The following CEP85L variants were observed in gnomAD, a reference collection of about 807,000 sequenced individuals.
The protein encoded by CEP85L is centrosomal protein of 85 kDa-like.
A neutral mutation model predicts 100.3 loss-of-function variants in CEP85L; 60 were observed. The observed-to-expected ratio is 0.60, with a 90% confidence interval of 0.49 to 0.74. The LOEUF (loss-of-function observed/expected upper bound fraction) is 0.74, where lower values mean the gene tolerates loss of function less well. Ranked by LOEUF, CEP85L falls within the 30% of genes least tolerant of loss-of-function variation. The pLI, the probability that CEP85L is intolerant of heterozygous loss-of-function variation, is 0.00. For synonymous variants in CEP85L, 319 were observed against 322.7 expected, an observed-to-expected ratio of 0.99 and a Z score of 0.12; for missense variants, 973 against 936.2, an observed-to-expected ratio of 1.04 and a Z score of -0.51.
intron 2 of CEP85L, among the ~76,000 whole-genome samples, chr6:118,576,807 A>G (rs963088191): frequency 2.0e-5 from 3 of 152,234 alleles, no homozygotes; most frequent in African/African-American, 7.2e-5. Flanking sequence ...CATTGTAAAA[A>G]TTAAAGATCT....
intron 6 of CEP85L, among the ~76,000 whole-genome samples, chr6:118,490,026 T>C (rs757448603): frequency 2.0e-5 from 3 of 151,962 alleles, no homozygotes; most frequent in Non-Finnish European, 2.9e-5. Flanking sequence ...GGAATATTAT[T>C]CAAACTTTGA....
chr6:118,470,655 T>TA lies in CEP85L; in HGVS notation c.1915-12dup, dbSNP rs766436923. ...CTTTCCTTGCATAGACTAGAATTTT[T>TA]AAAAAAATTGGAAAGCAAAACAGGT... On this transcript the variant is annotated splice_polypyrimidine_tract_variant and intron_variant, in intron 10 of 12. Transcript: ENST00000368491. The TA allele has an allele frequency of 6.5e-5, 100 of 1,535,188 alleles. No homozygotes were observed. Among genetic ancestry groups the TA allele is most frequent in the Non-Finnish European group, 8.0e-5 (91 of 1,131,202 alleles).
intron 1 of CEP85L, among the ~76,000 whole-genome samples, chr6:118,697,376 T>G (rs1777248966): frequency 6.6e-6 from 1 of 152,198 alleles, no homozygotes; most frequent in Admixed American, 6.5e-5. Context: ...TCTTTCCACT[T>G]CCATGAAAAT....
intron 5 of CEP85L, among the ~76,000 whole-genome samples, chr6:118,506,565 T>A (rs1191749986): frequency 6.6e-6 from 1 of 152,210 alleles, no homozygotes; most frequent in East Asian, 1.9e-4. Context: ...CCAAATATTT[T>A]AATTTTATTC....
intron 1 of CEP85L, among the ~76,000 whole-genome samples, chr6:118,661,777 A>G (rs1245443200): frequency 6.6e-6 from 1 of 152,206 alleles, no homozygotes; most frequent in Non-Finnish European, 1.5e-5. Context: ...TTCAGGGAAA[A>G]AATAGAGAAG....
intron 4 of CEP85L, among the ~76,000 whole-genome samples, chr6:118,519,378 G>A (rs1582962355): frequency 6.6e-6 from 1 of 150,400 alleles, no homozygotes; most frequent in African/African-American, 2.4e-5. Context: ...GGCGGAGGTT[G>A]CAGTGAGCCA....
At chr6:118,508,653 T>G (rs1296035855) in intron 5 of CEP85L, among the ~76,000 whole-genome samples, 2 of 152,126 alleles carry the variant, frequency 1.3e-5, no homozygotes, top group African/African-American at 2.4e-5. Flanking sequence ...TAGAAGTTAC[T>G]TATTAAGAGT....
At chr6:118,542,622 G>T (rs1351388161) in intron 3 of CEP85L, among the ~76,000 whole-genome samples, 1 of 151,938 alleles carries the variant, frequency 6.6e-6, no homozygotes, top group African/African-American at 2.4e-5. Context: ...GTAAGGTAGA[G>T]AGAGGACAAA....
At chr6:118,661,174 C>G (rs191148144) in intron 1 of CEP85L, among the ~76,000 whole-genome samples, 2 of 151,954 alleles carry the variant, frequency 1.3e-5, no homozygotes, top group Non-Finnish European at 2.9e-5. Context: ...TGTGAGCCAC[C>G]GCGCCCAGCC....
intron 3 of CEP85L, among the ~76,000 whole-genome samples, chr6:118,549,954 C>T (rs1020113547): frequency 2.6e-5 from 4 of 151,842 alleles, no homozygotes; most frequent in African/African-American, 9.7e-5. Context: ...TAGTACCATA[C>T]ATTGTGTCCC....
chr6:118,512,710 G>GA (rs1286540917), intron 4 of CEP85L, among the ~76,000 whole-genome samples: 1 of 152,010 alleles, frequency 6.6e-6, no homozygotes, highest in Non-Finnish European at 1.5e-5. Flanking sequence ...TCTCAGTGGG[G>GA]AAAAAATAAC....
At chr6:118,542,917 A>AAAAAAAC (rs1554216878) in intron 3 of CEP85L, among the ~76,000 whole-genome samples, 52 of 150,138 alleles carry the variant, frequency 3.5e-4, no homozygotes, top group Non-Finnish European at 6.1e-4. Flanking sequence ...AAAAAAAAAA[A>AAAAAAAC]AAAAAACAGG....
intron 1 of CEP85L, among the ~76,000 whole-genome samples, chr6:118,700,085 T>A (rs1583272179): frequency 6.6e-6 from 1 of 152,178 alleles, no homozygotes; most frequent in Non-Finnish European, 1.5e-5. Context: ...ACTGTTGAAA[T>A]CAGGAGCCCT....
At chr6:118,674,132 C>T (rs1381890069) in intron 1 of CEP85L, among the ~76,000 whole-genome samples, 1 of 152,154 alleles carries the variant, frequency 6.6e-6, no homozygotes, top group East Asian at 1.9e-4. Context: ...ACACCAAAAA[C>T]ACGGATAACA....
intron 3 of CEP85L, among the ~76,000 whole-genome samples, chr6:118,529,837 T>C (rs1320435447): frequency 6.6e-6 from 1 of 152,040 alleles, no homozygotes; most frequent in Non-Finnish European, 1.5e-5. Flanking sequence ...CCAAGCGCAA[T>C]TGCCTTAAAA....
At chr6:118,648,602 T>C (rs901230479) in intron 1 of CEP85L, among the ~76,000 whole-genome samples, 11 of 149,984 alleles carry the variant, frequency 7.3e-5, no homozygotes, top group African/African-American at 2.4e-4. Context: ...ATAACCCGGG[T>C]GTGGTGGCGG....
chr6:118,560,311 A>C (rs1779148721), intron 3 of CEP85L: 2 of 167,078 alleles, frequency 1.2e-5, no homozygotes, highest in Admixed American at 1.3e-4. Flanking sequence ...TTTGCGTGTT[A>C]TATGTATTAT....
chr6:118,584,481 T>C (rs1232761170), intron 2 of CEP85L, among the ~76,000 whole-genome samples: 4 of 152,204 alleles, frequency 2.6e-5, no homozygotes, highest in African/African-American at 4.8e-5. Context: ...CTAAAACTCA[T>C]CTTTTAACCT....
In CEP85L at chr6:118,651,410, T is replaced by C; in HGVS notation, c.-141A>G. ...AAAGGCGGGATGGCTGGTTAACGGC[T>C]GCTCAGCTACGGGCGGGGAGCGCAG... is the stretch of plus-strand genomic sequence containing the variant. On this transcript the variant is annotated 5_prime_UTR_variant, in exon 1 of 13. Transcript: ENST00000368491. 7.4e-7 allele frequency: 1 copy of C among 1,346,576 alleles called. No individual in the cohort carries two copies. The highest frequency in any genetic ancestry group is 9.5e-7 in the Non-Finnish European group (1 of 1,052,772). 83.4% of individuals were successfully genotyped at this position (1,346,576 alleles called of 1,614,324 possible).
Sources: allele counts gnomAD v4.1 joint callset (sites outside exome capture counted in the v4.1 genomes callset), GRCh38; gene constraint gnomAD v4.1.1; transcripts MANE v1.5; gene names NCBI Gene and HGNC (gene_info 2026-07-23, HGNC 2026-07-21).